KRT74: variants seen among roughly 807,000 people sequenced by gnomAD.
KRT74 encodes the protein keratin 74.
A neutral mutation model predicts 42.7 loss-of-function variants in KRT74; 43 were observed. The observed-to-expected ratio is 1.01, with a 90% CI of 0.79 to 1.30. The LOEUF is 1.30. KRT74 is among the 50% of genes most tolerant of loss of function. KRT74 has a pLI of 0.00. For synonymous variants in KRT74, 302 were observed against 279.0 expected (o/e 1.08, Z -0.82); for missense variants, 736 against 689.1 (o/e 1.07, Z -0.76).
intron 6 of KRT74, 41 bp downstream of exon 6, chr12:52,569,818 T>G: frequency 6.2e-7 from 1 of 1,613,576 alleles, no homozygotes; most frequent in Non-Finnish European, 8.5e-7. Context: ...TCCCAGAGCC[T>G]GCTGTGGAGA....
chr12:52,571,944 C>T lies in KRT74; in HGVS notation c.747G>A (p.Lys249=). 6.4e-7 allele frequency: 1 copy of T among 1,571,158 alleles called. No homozygotes were observed. Among genetic ancestry groups the T allele is most frequent in the South Asian group, 1.1e-5 (1 of 90,146 alleles). ...ATAAGGAGGCTCCTCCCTCTCTTAC[C>T]TTCTTAAGCACCACAAACTCATTCT... ...TAENEFVVLK[K]DADAAYAVKV... The change falls in exon 3 of 9, where the codon AAG becomes AAA. Residue 249 remains lysine, a splice_region_variant and synonymous_variant. Coordinates refer to ENST00000305620, the MANE Select transcript of KRT74 (RefSeq NM_175053.4).
Position 52,566,858 on chromosome 12 carries a change from AC to A in KRT74, c.*110del. 2 of 817,654 alleles carry A rather than the reference AC, an allele frequency of 2.4e-6. No homozygotes were observed. Among genetic ancestry groups the A allele is most frequent in the Non-Finnish European group, 3.9e-6 (2 of 506,760 alleles). 50.6% of individuals were successfully genotyped at this position (817,654 alleles called of 1,614,324 possible). Reference sequence around the variant, plus strand: ...AACCACGATGCAGACAGTTGAGTGTACTACAGACAGTTTTAAAACTCAGGGC... The same window carrying A: ...AACCACGATGCAGACAGTTGAGTGTATACAGACAGTTTTAAAACTCAGGGC... On this transcript the variant is annotated 3_prime_UTR_variant, in exon 9 of 9. Coordinates refer to ENST00000305620, the MANE Select transcript of KRT74 (RefSeq NM_175053.4).
chr12:52,568,382 C>A lies in KRT74; in HGVS notation c.1142G>T (p.Ser381Ile), dbSNP rs748967820. 25 of 1,614,162 alleles carry A rather than the reference C, an allele frequency of 1.5e-5. No homozygotes were observed. In the Middle Eastern group the frequency reaches 6.6e-4, roughly 43 times the overall value. ...EIGNVKKQRA[S>I]LETAIADAEQ... Reference sequence around the variant, plus strand: ...AGCGTCAGCGATGGCCGTCTCCAGGCTGGCACGCTGAAGGGCAAAGAACAG... The same window carrying A: ...AGCGTCAGCGATGGCCGTCTCCAGGATGGCACGCTGAAGGGCAAAGAACAG... Residue 381 changes from serine to isoleucine, a missense_variant, in exon 7 of 9, where the codon AGC (serine) becomes ATC (isoleucine). Transcript: ENST00000305620.
chr12:52,569,645 C>G, intron 6 of KRT74: 1 of 625,136 alleles, frequency 1.6e-6, no homozygotes, highest in Non-Finnish European at 2.8e-6. Flanking sequence ...AATGAGGAGT[C>G]AGAGAAATAG....
Position 52,566,270 on chromosome 12 carries a change from G to C in KRT74, c.*699C>G, listed in dbSNP as rs1295243180. The C allele has an allele frequency of 6.6e-6, 1 of 152,118 alleles. No homozygotes were observed. Among genetic ancestry groups the C allele is most frequent in the East Asian group, 1.9e-4 (1 of 5,196 alleles). The allele number at this position is 152,118 out of a possible 1,614,324, so 9.4% of individuals were successfully genotyped here. On this transcript the variant is annotated 3_prime_UTR_variant, in exon 9 of 9. Transcript: ENST00000305620. Reference sequence around the variant, plus strand: ...GGATGCTCATTGCATCTTCTTTGCAGGAATGGATGAGAACAGGAGGCAATA... The same window carrying C: ...GGATGCTCATTGCATCTTCTTTGCACGAATGGATGAGAACAGGAGGCAATA...
chr12:52,570,583 C>A, intron 5 of KRT74, 86 bp downstream of exon 5: 2 of 1,456,772 alleles, frequency 1.4e-6, no homozygotes, highest in Non-Finnish European at 1.9e-6. Context: ...AGCATGCCCA[C>A]AAAAGTATTC....
chr12:52,570,650 A>G lies in KRT74; in HGVS notation c.1008+19T>C, dbSNP rs377323044. 1.9e-6 allele frequency: 3 copies of G among 1,613,910 alleles called. No individual in the cohort carries two copies. Among genetic ancestry groups the G allele is most frequent in the Non-Finnish European group, 2.5e-6 (3 of 1,179,954 alleles). On this transcript the variant is annotated intron_variant, in intron 5 of 8. Coordinates refer to ENST00000305620, the MANE Select transcript of KRT74 (RefSeq NM_175053.4). ...GGAAGCGAAGGGCTGCTGTGGGAGG[A>G]GACCCATTCGGTGACCACCTTGGTC...
Position 52,573,628 on chromosome 12 carries a change from G to A in KRT74, c.150C>T (p.Leu50=). Residue 50 remains leucine (L), a synonymous_variant, in exon 1 of 9, where the codon CTC becomes CTT. Coordinates refer to ENST00000305620, the MANE Select transcript of KRT74 (RefSeq NM_175053.4). ...TACGCCGATTCCCTCCAAGGCTATAGAGGCTCCGACTGCCAAAGCCAGCGC... is the reference window on the plus strand; with the variant it reads ...TACGCCGATTCCCTCCAAGGCTATAAAGGCTCCGACTGCCAAAGCCAGCGC... ...GAGAGFGSRS[L]YSLGGNRRIS... 6.2e-7 allele frequency: 1 copy of A among 1,614,172 alleles called. No homozygotes were observed. Among genetic ancestry groups the A allele is most frequent in the Non-Finnish European group, 8.5e-7 (1 of 1,180,032 alleles).
Position 52,570,666 on chromosome 12 carries a change from C to A in KRT74, c.1008+3G>T. Reference sequence around the variant, plus strand: ...TGTGGGAGGAGACCCATTCGGTGACCACCTTGGTCTGGTACAGGGCCTCGG... The same window carrying A: ...TGTGGGAGGAGACCCATTCGGTGACAACCTTGGTCTGGTACAGGGCCTCGG... On this transcript the variant is annotated splice_donor_region_variant and intron_variant, in intron 5 of 8. Transcript: ENST00000305620. 6.2e-7 allele frequency: 1 copy of A among 1,614,214 alleles called. No individual in the cohort carries two copies.
chr12:52,567,071 C>T lies in KRT74; in HGVS notation c.1488G>A (p.Gln496=). ...SAVAGSSGST[Q]SGQTKTTEAR... is the part of the protein sequence containing the mutation. ...CCTCTGTGGTCTTGGTCTGCCCGCT[C>T]TGGGTGCTGCCAGAGCTGCCTGCCA... The change falls in exon 9 of 9, where the codon CAG becomes CAA. Residue 496 remains glutamine, a synonymous_variant. Transcript: ENST00000305620. The T allele has an allele frequency of 1.9e-6, 3 of 1,595,870 alleles. No homozygotes were observed. Among genetic ancestry groups the T allele is most frequent in the African/African-American group, 2.7e-5 (2 of 74,674 alleles).
intron 1 of KRT74, 23 bp downstream of exon 1, chr12:52,573,284 C>T: frequency 6.2e-7 from 1 of 1,610,258 alleles, no homozygotes; most frequent in Non-Finnish European, 8.5e-7. Context: ...GGTGCGGCCT[C>T]ATCCTCCTCC....
In KRT74 at chr12:52,566,864, G is replaced by T; in HGVS notation, c.*105C>A. 1 of 889,916 alleles carries T rather than the reference G, an allele frequency of 1.1e-6. No homozygotes were observed. The highest frequency in any genetic ancestry group is 1.8e-6 in the Non-Finnish European group (1 of 570,096). The allele number at this position is 889,916 out of a possible 1,614,324, so 55.1% of individuals were successfully genotyped here. A position where few individuals can be genotyped will look rare whatever the true frequency, so the allele number is the denominator to read the frequency against. On this transcript the variant is annotated 3_prime_UTR_variant, in exon 9 of 9. Transcript: ENST00000305620. ...GATGCAGACAGTTGAGTGTACTACA[G>T]ACAGTTTTAAAACTCAGGGCCTGGG...
Position 52,568,324 on chromosome 12 carries a change from G to T in KRT74, c.1200C>A (p.Ala400=). 1 of 1,614,224 alleles carries T rather than the reference G, an allele frequency of 6.2e-7. No individual in the cohort carries two copies. The highest frequency in any genetic ancestry group is 8.5e-7 in the Non-Finnish European group (1 of 1,180,054). ...EQRGDNALKD[A]QAKLDELEGA... ...CCTCCAGCTCATCCAGCTTGGCCTG[G>T]GCATCCTTCAGGGCATTGTCTCCCC... Residue 400 remains alanine, a synonymous_variant, in exon 7 of 9, where the codon GCC becomes GCA. Coordinates refer to ENST00000305620, the MANE Select transcript of KRT74 (RefSeq NM_175053.4).
In KRT74 at chr12:52,572,516, T is replaced by A. The variant is rs764944489; in HGVS notation, c.623A>T (p.Asp208Val). 36 of 1,614,070 alleles carry A rather than the reference T, an allele frequency of 2.2e-5. No individual in the cohort carries two copies. Among genetic ancestry groups the A allele is most frequent in the Non-Finnish European group, 3.0e-5 (35 of 1,180,044 alleles). Reference sequence around the variant, plus strand: ...CAGCTCCGAGTCCAGCCTCACCCTGTCCCCAGACAGTGTCTCCAGCTGCTT... The same window carrying A: ...CAGCTCCGAGTCCAGCCTCACCCTGACCCCAGACAGTGTCTCCAGCTGCTT... ...LRKQLETLSG[D>V]RVRLDSELRS... The change falls in exon 2 of 9, where the codon GAC becomes GTC. Residue 208 changes from aspartate (D) to valine (V), a missense_variant. By Grantham distance (152) the Asp-to-Val change is radical. Transcript: ENST00000305620.
At chr12:52,573,219 C>T in intron 1 of KRT74, 88 bp downstream of exon 1, 3 of 1,332,508 alleles carry the variant, frequency 2.3e-6, no homozygotes, top group East Asian at 2.3e-5. Context: ...CTGCACCTTT[C>T]CAGCCACAGT....
chr12:52,569,743 C>T (rs1248616575), intron 6 of KRT74, 116 bp downstream of exon 6: 46 of 1,366,264 alleles, frequency 3.4e-5, no homozygotes, highest in Admixed American at 6.7e-5. Context: ...TGTGGGTGGC[C>T]GAGGGACCCC....
chr12:52,571,831 G>A (rs1939487063), intron 3 of KRT74, 113 bp downstream of exon 3: 2 of 815,346 alleles, frequency 2.5e-6, no homozygotes, highest in African/African-American at 1.7e-5. Context: ...CCAGGCACCA[G>A]CCCCCTCACC....
intron 6 of KRT74, 45 bp from the exon 7 acceptor site, chr12:52,568,434 T>G (rs767442603): frequency 2.2e-5 from 35 of 1,593,302 alleles, no homozygotes; most frequent in Non-Finnish European, 2.7e-5. Context: ...GAAAATTACA[T>G]TTAGCTCATA....
rs987571413 is a variant in KRT74, at chr12:52,568,385, G to A, written c.1139C>T (p.Ala380Val). ...CEIGNVKKQR[A>V]SLETAIADAE... is the part of the protein sequence containing the mutation. ...GTCAGCGATGGCCGTCTCCAGGCTG[G>A]CACGCTGAAGGGCAAAGAACAGAGA... The change falls in exon 7 of 9, where the codon GCC becomes GTC. Residue 380 changes from alanine (A) to valine (V), a missense_variant. Physicochemically the swap from Ala to Val is moderately conservative, Grantham distance 64. Coordinates refer to ENST00000305620, the MANE Select transcript of KRT74 (RefSeq NM_175053.4). The A allele has an allele frequency of 6.2e-7, 1 of 1,614,010 alleles. No homozygotes were observed. The highest frequency in any genetic ancestry group is 8.5e-7 in the Non-Finnish European group (1 of 1,180,036).
Sources: gnomAD v4.1 joint callset for allele counts on GRCh38, gnomAD v4.1.1 for gene constraint, MANE v1.5 for transcripts, NCBI Gene and HGNC (gene_info 2026-07-23, HGNC 2026-07-21) for gene names.